TRRAP: variants seen among roughly 807,000 people sequenced by gnomAD.
TRRAP encodes the protein transformation/transcription domain-associated protein.
TRRAP carries 41 observed loss-of-function variants against 438.8 expected under a neutral mutation model. The ratio of observed to expected loss-of-function variants is 0.09; its 90% CI spans 0.07 to 0.12. The LOEUF (loss-of-function observed/expected upper bound fraction) is 0.12. Ranked by LOEUF, TRRAP falls within the 10% of genes least tolerant of loss-of-function variation. The probability of loss-of-function intolerance (pLI) is 1.00; values close to 1 mark genes in which losing one functional copy is unlikely to be tolerated. For missense variants in TRRAP, 3,122 were observed against 5,055.1 expected (o/e 0.62, Z 11.60); for synonymous variants, 1,994 against 1,962.9 (o/e 1.02, Z -0.42).
At chr7:98,941,381 G>A (rs1448053732) in intron 30 of TRRAP, among the ~76,000 whole-genome samples, 1 of 152,056 alleles carries the variant, frequency 6.6e-6, no homozygotes, top group Non-Finnish European at 1.5e-5. Context: ...ACACCATGTT[G>A]GCCTGGCTGA....
In TRRAP at chr7:98,921,057, G is replaced by C. The variant is rs186502611; in HGVS notation, c.2623-696G>C. ...ACTCCATGTTGGTCAGGCTGGTCTC[G>C]AACTACCGACTTCAGGTGATCCGCC... On this transcript the variant is annotated intron_variant, in intron 20 of 72. Coordinates refer to ENST00000456197, the MANE Select transcript of TRRAP (RefSeq NM_001375524.1). 1.2e-3 allele frequency among the ~76,000 whole-genome samples: 185 copies of C among 152,246 alleles called. 1 individual carries two copies. The highest frequency in any genetic ancestry group is 3.9e-3 in the African/African-American group (163 of 41,546).
chr7:98,991,131 G>C (rs1487297299), intron 64 of TRRAP, among the ~76,000 whole-genome samples: 1 of 152,182 alleles, frequency 6.6e-6, no homozygotes, highest in African/African-American at 2.4e-5. Context: ...ACAGCCCAGG[G>C]CCCTATGGAA....
At chr7:98,963,092 A>G (rs138428233) in intron 47 of TRRAP, among the ~76,000 whole-genome samples, 3 of 152,344 alleles carry the variant, frequency 2.0e-5, no homozygotes, top group East Asian at 3.9e-4. Flanking sequence ...CCCAATAGCA[A>G]TCAGTCCCAG....
chr7:98,905,453 T>C (rs1184919584), intron 12 of TRRAP, among the ~76,000 whole-genome samples: 1 of 152,200 alleles, frequency 6.6e-6, no homozygotes, highest in Non-Finnish European at 1.5e-5. Flanking sequence ...ATGATTGTAT[T>C]AATAGAACTC....
Position 98,908,840 on chromosome 7 carries a change from T to G in TRRAP, c.1228T>G (p.Ser410Ala), listed in dbSNP as rs1232671419. 6.2e-7 allele frequency: 1 copy of G among 1,613,212 alleles called. No homozygotes were observed. The highest frequency in any genetic ancestry group is 8.5e-7 in the Non-Finnish European group (1 of 1,179,800). ...QLFAKNIDDE[S>A]LPSSIQTMSC... is the part of the protein sequence containing the mutation. The stretch of plus-strand genomic sequence containing the variant: ...CTTCGCCAAGAACATCGACGATGAG[T>G]CCCTGCCCAGCAGCATCCAGACCAT... The change falls in exon 14 of 73, where the codon TCC becomes GCC. Residue 410 changes from serine to alanine, a missense_variant. Around this residue, in one of 24 missense-constraint regions of TRRAP, gnomAD observed 343 missense variants for 564.0 expected, o/e 0.61. Transcript: ENST00000456197. The surrounding 1 kb of genome is among the most constrained non-coding windows in gnomAD (Gnocchi z 4.1).
chr7:98,881,916 A>G (rs1795456844), intron 2 of TRRAP, 59 bp from the exon 3 acceptor site: 15 of 1,562,886 alleles, frequency 9.6e-6, no homozygotes, highest in Non-Finnish European at 1.3e-5. Context: ...CAAGTTTTGC[A>G]TTAACATAAT....
At chr7:99,001,904 G>A (rs960493822) in intron 67 of TRRAP, among the ~76,000 whole-genome samples, 5 of 152,148 alleles carry the variant, frequency 3.3e-5, no homozygotes, top group African/African-American at 1.2e-4. Flanking sequence ...TGGAAACCAT[G>A]CAGATGCCCT....
At position 98,970,331 on chromosome 7, in the gene TRRAP, G is replaced by A. The variant is rs528175484; in HGVS notation, c.7692+40G>A. 5.3e-5 allele frequency: 85 copies of A among 1,599,796 alleles called. 3 individuals are homozygous for A. In the South Asian group the frequency reaches 9.1e-4, roughly 17 times the overall value. On this transcript the variant is annotated intron_variant, in intron 52 of 72. Coordinates refer to ENST00000456197, the MANE Select transcript of TRRAP (RefSeq NM_001375524.1). ...CCCACAGGCAGAATCCCAGAGAGGA[G>A]GTGAGGCCCCACACCCCACGGGCAG... is the stretch of plus-strand genomic sequence containing the variant.
chr7:98,931,852 A>G lies in TRRAP; in HGVS notation c.3852+187A>G, dbSNP rs111976730. On this transcript the variant is annotated intron_variant, in intron 26 of 72. Transcript: ENST00000456197. ...AATATCTGATGTAAAATGGTGTGAT[A>G]TTTGTATATAACTTATGCACATATT... Among the ~76,000 whole-genome samples, 262 of 152,152 alleles carry G rather than the reference A, an allele frequency of 1.7e-3. 2 individuals are homozygous for G. The highest frequency in any genetic ancestry group is 6.1e-3 in the African/African-American group (252 of 41,542).
intron 20 of TRRAP, among the ~76,000 whole-genome samples, chr7:98,918,459 A>G (rs961113490): frequency 1.4e-4 from 21 of 151,262 alleles, no homozygotes; most frequent in Non-Finnish European, 2.5e-4. Context: ...CAAACTCCTG[A>G]CCTCATGATC....
At chr7:98,921,367 G>A (rs1562942019) in intron 20 of TRRAP, among the ~76,000 whole-genome samples, 1 of 152,042 alleles carries the variant, frequency 6.6e-6, no homozygotes, top group Non-Finnish European at 1.5e-5. Context: ...GCCAAGCAGT[G>A]TTCCATCACT....
chr7:98,979,268 G>A (rs375517604), intron 58 of TRRAP, among the ~76,000 whole-genome samples: 23 of 152,238 alleles, frequency 1.5e-4, no homozygotes, highest in East Asian at 7.7e-4. Context: ...TCAGTATCCA[G>A]GACACCCCAG....
intron 9 of TRRAP, 58 bp downstream of exon 9, chr7:98,899,557 T>A: frequency 6.2e-7 from 1 of 1,606,408 alleles, no homozygotes; most frequent in South Asian, 1.1e-5. Flanking sequence ...AAAATTGGCA[T>A]CTGGGGCCAA....
Position 98,931,459 on chromosome 7 carries a change from C to T in TRRAP, c.3646C>T (p.Arg1216Trp), listed in dbSNP as rs757085445. The T allele has an allele frequency of 5.0e-6, 8 of 1,614,074 alleles. No homozygotes were observed. Among genetic ancestry groups the T allele is most frequent in the Non-Finnish European group, 6.8e-6 (8 of 1,179,998 alleles). Residue 1216 changes from arginine to tryptophan, a missense_variant, in exon 26 of 73, where the codon CGG (arginine) becomes TGG (tryptophan). Coordinates refer to ENST00000456197, the MANE Select transcript of TRRAP (RefSeq NM_001375524.1). Reference sequence around the variant, plus strand: ...GACCACGCTGGAGCAGCTTCTGATGCGGTGCGCAACGCCTTTAAAAGACGA... The same window carrying T: ...GACCACGCTGGAGCAGCTTCTGATGTGGTGCGCAACGCCTTTAAAAGACGA... ...AKTTLEQLLMRCATPLKDEER... is the reference protein window; with the variant it reads ...AKTTLEQLLMWCATPLKDEER...
intron 1 of TRRAP, among the ~76,000 whole-genome samples, chr7:98,878,854 G>C (rs1795283780): frequency 1.3e-5 from 2 of 152,158 alleles, no homozygotes; most frequent in South Asian, 4.1e-4. Flanking sequence ...CGCAGCGCTC[G>C]CGGGCGCGGG....
chr7:99,004,362 T>G lies in TRRAP; in HGVS notation c.10482T>G (p.Ile3494Met), dbSNP rs755445394. 6.2e-7 allele frequency: 1 copy of G among 1,614,144 alleles called. No homozygotes were observed. The highest frequency in any genetic ancestry group is 1.1e-5 in the South Asian group (1 of 91,066). The part of the protein sequence containing the change: ...NFSAQTAEVE[I>M]PGEFLMPKPT... ...CGGCACAGACAGCTGAAGTGGAAAT[T>G]CCTGGGGAGTTTCTGATGCCAAAGC... Residue 3494 changes from isoleucine to methionine, a missense_variant, in exon 68 of 73, where the codon ATT (isoleucine) becomes ATG (methionine). By Grantham distance (10) the Ile-to-Met change is conservative. Around this residue, in one of 24 missense-constraint regions of TRRAP, gnomAD observed 107 missense variants for 327.5 expected, o/e 0.33. Coordinates refer to ENST00000456197, the MANE Select transcript of TRRAP (RefSeq NM_001375524.1).
chr7:99,001,849 C>T (rs549902114), intron 67 of TRRAP, among the ~76,000 whole-genome samples: 1 of 152,308 alleles, frequency 6.6e-6, no homozygotes, highest in South Asian at 2.1e-4. Flanking sequence ...AACTGGTACA[C>T]AAATATTCAG....
chr7:98,920,381 G>T (rs1490680061), intron 20 of TRRAP, among the ~76,000 whole-genome samples: 1 of 151,804 alleles, frequency 6.6e-6, no homozygotes, highest in Non-Finnish European at 1.5e-5. Context: ...TGGGAGGATT[G>T]CTTGCTTGGA....
rs573203629 is a variant in TRRAP, at chr7:98,974,945, T to G, written c.7840-1204T>G. ...CACTTGGGGTTAGGGTGTATAGAAT[T>G]GTGTCTTTTGGGATTCTGATCCAAA... On this transcript the variant is annotated intron_variant, in intron 53 of 72. Transcript: ENST00000456197. Among the ~76,000 whole-genome samples, 185 of 152,336 alleles carry G rather than the reference T, an allele frequency of 1.2e-3. 1 individual carries two copies. Among genetic ancestry groups the G allele is most frequent in the African/African-American group, 3.9e-3 (163 of 41,584 alleles).
Sources: gnomAD v4.1 joint callset for allele counts (sites outside exome capture counted in the v4.1 genomes callset) on GRCh38, gnomAD v4.1.1 for gene constraint, gnomAD v4.1.1 regional missense constraint, Gnocchi (gnomAD v3.1) non-coding constraint, MANE v1.5 for transcripts, NCBI Gene and HGNC (gene_info 2026-07-23, HGNC 2026-07-21) for gene names.